RPF2: variants seen among roughly 807,000 people sequenced by gnomAD.
RPF2 encodes the protein ribosome production factor 2 homolog, also known as brix domain containing 1.
In RPF2, 21 loss-of-function variants were observed where a neutral mutation model predicts 38.9. That is an observed-to-expected ratio of 0.54 (90% confidence interval 0.38 to 0.78). The LOEUF is 0.78. Among genes scored for constraint, RPF2 ranks in the 30% least tolerant of loss-of-function variants. RPF2 has a pLI of 0.00. For missense variants in RPF2, 314 were observed against 358.1 expected (o/e 0.88, Z 0.99); for synonymous variants, 121 against 126.2 (o/e 0.96, Z 0.28).
rs766852387 is a variant in RPF2, at chr6:111,015,792, G to C, written c.532G>C (p.Ala178Pro). 3.7e-6 allele frequency: 6 copies of C among 1,613,052 alleles called. No homozygotes were observed. Among genetic ancestry groups the C allele is most frequent in the Non-Finnish European group, 5.1e-6 (6 of 1,179,212 alleles). Residue 178 changes from alanine to proline, a missense_variant, in exon 8 of 10, where the codon GCT becomes CCT. By Grantham distance (27) the Ala-to-Pro change is conservative. Transcript: ENST00000441448. ...CCCCACAGTATCAAATATCCGCCTG[G>C]CTGGATTAGAGTATGTTCTGCACTT... is the stretch of plus-strand genomic sequence containing the variant. ...RGPTVSNIRL[A>P]GLEYVLHFTA...
intron 4 of RPF2, among the ~76,000 whole-genome samples, chr6:110,993,690 A>G (rs1377235893): frequency 3.3e-5 from 5 of 152,142 alleles, no homozygotes; most frequent in African/African-American, 1.2e-4. Flanking sequence ...CTTTTCTTAC[A>G]CTTGAGGTTG....
At chr6:111,018,178 G>C (rs529683741) in intron 8 of RPF2, among the ~76,000 whole-genome samples, 18 of 151,160 alleles carry the variant, frequency 1.2e-4, no homozygotes, top group South Asian at 8.5e-4. Context: ...GTCCAGCTTC[G>C]GCTCGGCATC....
chr6:110,988,947 A>C (rs750301381), intron 2 of RPF2, 81 bp from the exon 3 acceptor site: 1 of 1,510,898 alleles, frequency 6.6e-7, no homozygotes, highest in Non-Finnish European at 8.9e-7. Context: ...AATCTTGGAG[A>C]GTGACTGTTA....
intron 3 of RPF2, among the ~76,000 whole-genome samples, chr6:110,991,499 T>A (rs1385851442): frequency 6.6e-6 from 1 of 151,878 alleles, no homozygotes; most frequent in Non-Finnish European, 1.5e-5. Flanking sequence ...AGAATCCATA[T>A]GTACAGAGGA....
Position 110,992,814 on chromosome 6 carries a change from C to A in RPF2, c.234+1028C>A, listed in dbSNP as rs1020354184. 2.5e-4 allele frequency among the ~76,000 whole-genome samples: 38 copies of A among 152,200 alleles called. No individual in the cohort carries two copies. The East Asian group carries it at 7.3e-3, about 29-fold the overall frequency. On this transcript the variant is annotated intron_variant, in intron 4 of 9. Coordinates refer to ENST00000441448, the MANE Select transcript of RPF2 (RefSeq NM_032194.3). Reference sequence around the variant, plus strand: ...ATCAGGGGCCAGACACAGTAGCTCACGCCTGTAATCCCAGCACTTTGGGAG... The same window carrying A: ...ATCAGGGGCCAGACACAGTAGCTCAAGCCTGTAATCCCAGCACTTTGGGAG...
In RPF2 at chr6:110,987,482, G is replaced by A. The variant is rs183910150; in HGVS notation, c.157-1546G>A. 2.5e-4 allele frequency among the ~76,000 whole-genome samples: 38 copies of A among 152,186 alleles called. No homozygotes were observed. In the East Asian group the frequency reaches 6.6e-3, roughly 26 times the overall value. ...TTTGTCTGAATTTCATTGTGCTAAC[G>A]GGAAACTGCCCCTCTCCTTCTAGTA... is the stretch of plus-strand genomic sequence containing the variant. On this transcript the variant is annotated intron_variant, in intron 2 of 9. Transcript: ENST00000441448.
chr6:110,999,783 T>C lies in RPF2; in HGVS notation c.389T>C (p.Ile130Thr). 6.5e-7 allele frequency: 1 copy of C among 1,529,074 alleles called. No homozygotes were observed. Among genetic ancestry groups the C allele is most frequent in the Non-Finnish European group, 9.1e-7 (1 of 1,102,942 alleles). 94.7% of individuals were successfully genotyped at this position (1,529,074 alleles called of 1,614,324 possible). A position where few individuals can be genotyped will look rare whatever the true frequency, so the allele number is the denominator to read the frequency against. Reference protein sequence around the residue: ...GIENFVSLKDIKNSKCPEGTK... With the variant: ...GIENFVSLKDTKNSKCPEGTK... ...GAGAATTTTGTCTCTCTAAAAGACA[T>C]TAAGGTAAGATACTCATAGAAATGA... Residue 130 changes from isoleucine (I) to threonine (T), a missense_variant, in exon 6 of 10, where the codon ATT becomes ACT. By Grantham distance (89) the Ile-to-Thr change is moderately conservative (BLOSUM62 -1). Transcript: ENST00000441448.
intron 6 of RPF2, among the ~76,000 whole-genome samples, chr6:111,000,755 C>CT (rs1442163701): frequency 6.6e-6 from 1 of 152,054 alleles, no homozygotes; most frequent in African/African-American, 2.4e-5. Flanking sequence ...AAGTAATTTT[C>CT]TTTTTTGTAT....
chr6:110,990,358 T>C (rs943988839), intron 3 of RPF2, among the ~76,000 whole-genome samples: 1 of 152,222 alleles, frequency 6.6e-6, no homozygotes, highest in Non-Finnish European at 1.5e-5. Context: ...TTTGATGACC[T>C]TGACATTTTT....
At chr6:111,024,704 CAAAA>C (rs397737242) in intron 9 of RPF2, among the ~76,000 whole-genome samples, 4 of 89,220 alleles carry the variant, frequency 4.5e-5, no homozygotes, top group African/African-American at 1.6e-4. Context: ...CAGAGTGAGC[CAAAA>C]AAAAAAAAAA....
At chr6:111,018,383 T>C (rs1230014615) in intron 8 of RPF2, among the ~76,000 whole-genome samples, 1 of 152,236 alleles carries the variant, frequency 6.6e-6, no homozygotes, top group Non-Finnish European at 1.5e-5. Context: ...GACTTTGCTG[T>C]ACATTTTGAG....
chr6:111,017,580 G>A (rs1381556765), intron 8 of RPF2, among the ~76,000 whole-genome samples: 5 of 151,212 alleles, frequency 3.3e-5, no homozygotes, highest in African/African-American at 9.7e-5. Context: ...AGATGGGGTC[G>A]CGGCCGGGCA....
chr6:110,999,467 C>T (rs13210913), intron 5 of RPF2, among the ~76,000 whole-genome samples: 2,943 of 152,214 alleles, frequency 0.019, 42 homozygotes, highest in Middle Eastern at 0.058. Context: ...CTTCTGTAGG[C>T]TGTCATTTAT....
chr6:110,992,177 G>A (rs1394128255), intron 4 of RPF2, among the ~76,000 whole-genome samples: 2 of 152,002 alleles, frequency 1.3e-5, no homozygotes, highest in Non-Finnish European at 2.9e-5. Context: ...GGGCGTGATG[G>A]CACATGCCTG....
intron 6 of RPF2, among the ~76,000 whole-genome samples, chr6:111,002,149 G>A (rs772579417): frequency 2.0e-5 from 3 of 152,040 alleles, no homozygotes; most frequent in Non-Finnish European, 4.4e-5. Flanking sequence ...GCATGGTGGT[G>A]CACGCCTGTA....
At chr6:111,019,175 C>A (rs376325219) in intron 8 of RPF2, among the ~76,000 whole-genome samples, 111 of 152,242 alleles carry the variant, frequency 7.3e-4, no homozygotes, top group African/African-American at 2.5e-3. Context: ...TTGAGGAGTT[C>A]AAGACCAGCC....
intron 2 of RPF2, among the ~76,000 whole-genome samples, chr6:110,986,441 C>T (rs932946689): frequency 7.2e-5 from 11 of 152,190 alleles, no homozygotes; most frequent in African/African-American, 2.7e-4. Context: ...AAAAGTATGA[C>T]TTCCCAGGTG....
At chr6:110,998,796 G>A (rs1771763582) in intron 5 of RPF2, among the ~76,000 whole-genome samples, 1 of 151,856 alleles carries the variant, frequency 6.6e-6, no homozygotes, top group Non-Finnish European at 1.5e-5. Flanking sequence ...GGAGAGGCAG[G>A]CTCCCAAGAA....
intron 8 of RPF2, among the ~76,000 whole-genome samples, chr6:111,020,339 G>A (rs978889200): frequency 1.3e-4 from 20 of 152,252 alleles, no homozygotes; most frequent in Middle Eastern, 6.8e-3. Flanking sequence ...CCTCGGGTGG[G>A]TATGTATGCC....
Sources: allele counts gnomAD v4.1 joint callset (sites outside exome capture counted in the v4.1 genomes callset), GRCh38; gene constraint gnomAD v4.1.1; transcripts MANE v1.5; gene names NCBI Gene and HGNC (gene_info 2026-07-23, HGNC 2026-07-21).